The following PTCD3 variants were observed in gnomAD, a reference collection of about 807,000 sequenced individuals.
The protein encoded by PTCD3 is small ribosomal subunit protein mS39.
PTCD3 carries 89 observed loss-of-function variants against 101.9 expected under a neutral mutation model. The ratio of observed to expected loss-of-function variants is 0.87; its 90% CI spans 0.74 to 1.04. The LOEUF is 1.04. PTCD3 is among the 50% of genes least tolerant of loss of function. PTCD3 has a pLI of 0.00. For missense variants in PTCD3, 870 were observed against 828.2 expected, an observed-to-expected ratio of 1.05 and a Z score of -0.62; for synonymous variants, 296 against 278.5, an observed-to-expected ratio of 1.06 and a Z score of -0.63.
intron 17 of PTCD3, 30 bp downstream of exon 17, chr2:86,132,454 A>G (rs1216075715): frequency 1.3e-6 from 2 of 1,481,486 alleles, no homozygotes; most frequent in African/African-American, 1.4e-5. Flanking sequence ...ATCCTTTTGC[A>G]TGAGTTACCA....
chr2:86,132,138 G>A (rs971675755), intron 16 of PTCD3, among the ~76,000 whole-genome samples, 180 bp from the exon 17 acceptor site: 1 of 152,112 alleles, frequency 6.6e-6, no homozygotes, highest in Admixed American at 6.6e-5. Flanking sequence ...AAATAATATT[G>A]TAATAAATTT....
At chr2:86,110,490 C>T (rs1408862181) in intron 3 of PTCD3, among the ~76,000 whole-genome samples, 1 of 152,198 alleles carries the variant, frequency 6.6e-6, no homozygotes, top group African/African-American at 2.4e-5. Flanking sequence ...ATCAAATTAT[C>T]TTGTCTGTCA....
Position 86,140,920 on chromosome 2 carries a change from A to AACC in PTCD3, c.*3362_*3363insCCA, listed in dbSNP as rs1266318602. On this transcript the variant is annotated 3_prime_UTR_variant, in exon 24 of 24. Transcript: ENST00000254630. ...AACCCATCTCAAAAAAAAAAAAAAA[A>AACC]AACCAAAAAAACTGTCCAGCTGTGG... 8.3e-5 allele frequency: 1 copy of AACC among 12,000 alleles called. No homozygotes were observed. Among genetic ancestry groups the AACC allele is most frequent in the African/African-American group, 1.2e-4 (1 of 8,240 alleles). The allele number at this position is 12,000 out of a possible 1,614,324, so 0.7% of individuals were successfully genotyped here.
chr2:86,108,317 A>G, intron 1 of PTCD3, 33 bp from the exon 2 acceptor site: 1 of 1,592,472 alleles, frequency 6.3e-7, no homozygotes, highest in Non-Finnish European at 8.5e-7. Flanking sequence ...TTCATTAATG[A>G]CTATTAGATT....
At position 86,132,336 on chromosome 2, in the gene PTCD3, C is replaced by G. The variant is rs1418744042; in HGVS notation, c.1285C>G (p.Leu429Val). Residue 429 changes from leucine (L) to valine (V), a missense_variant, in exon 17 of 24, where the codon CTA (leucine) becomes GTA (valine). By Grantham distance (32) the Leu-to-Val change is conservative. Coordinates refer to ENST00000254630, the MANE Select transcript of PTCD3 (RefSeq NM_017952.6). Reference protein sequence around the residue: ...AMSICSSLRDLELAYQVHGLL... With the variant: ...AMSICSSLRDVELAYQVHGLL... The stretch of plus-strand genomic sequence containing the variant: ...TTTTCAGTGCTCATCTCTCAGAGAT[C>G]TAGAACTTGCCTACCAAGTACATGG... The G allele has an allele frequency of 1.2e-6, 2 of 1,602,596 alleles. No homozygotes were observed.
intron 13 of PTCD3, 64 bp from the exon 14 acceptor site, chr2:86,127,877 T>C: frequency 7.9e-7 from 1 of 1,264,770 alleles, no homozygotes; most frequent in Non-Finnish European, 1.2e-6. Context: ...CTCAGTAAAC[T>C]ATGTTTTGGA....
Position 86,141,422 on chromosome 2 carries a change from C to G in PTCD3, c.*3863C>G, listed in dbSNP as rs1674682837. On this transcript the variant is annotated 3_prime_UTR_variant, in exon 24 of 24. Coordinates refer to ENST00000254630, the MANE Select transcript of PTCD3 (RefSeq NM_017952.6). The stretch of plus-strand genomic sequence containing the variant: ...TCCCTTCTGTGTTAAATCAAATGAT[C>G]TGTTCTGCACTGAGCCAAGCAAGTT... The G allele has an allele frequency of 2.6e-5, 4 of 152,178 alleles. No homozygotes were observed. In the South Asian group the frequency reaches 8.3e-4, roughly 31 times the overall value. The allele number at this position is 152,178 out of a possible 1,614,324, so 9.4% of individuals were successfully genotyped here. A position where few individuals can be genotyped will look rare whatever the true frequency, so the allele number is the denominator to read the frequency against.
intron 5 of PTCD3, 59 bp downstream of exon 5, chr2:86,116,657 C>A: frequency 1.6e-6 from 2 of 1,273,776 alleles, no homozygotes; most frequent in Non-Finnish European, 2.3e-6. Flanking sequence ...TACAACAGTA[C>A]ATAAATAATT....
chr2:86,133,408 G>T lies in PTCD3; in HGVS notation c.1515G>T (p.Arg505=), dbSNP rs910688628. The T allele has an allele frequency of 3.1e-6, 5 of 1,613,944 alleles. No homozygotes were observed. The highest frequency in any genetic ancestry group is 4.2e-6 in the Non-Finnish European group (5 of 1,179,930). ...TCCAAGCATTGGATGTGGCCAATCG[G>T]CTAGAAGTGATTCCTAAAATTTGGA... ...HLLQALDVAN[R]LEVIPKIWKD... Residue 505 remains arginine (R), a synonymous_variant, in exon 19 of 24, where the codon CGG becomes CGT. Coordinates refer to ENST00000254630, the MANE Select transcript of PTCD3 (RefSeq NM_017952.6).
At chr2:86,133,752 G>A (rs1573858891) in intron 19 of PTCD3, among the ~76,000 whole-genome samples, 1 of 152,300 alleles carries the variant, frequency 6.6e-6, no homozygotes, top group South Asian at 2.1e-4. Flanking sequence ...AAAGGTCTTT[G>A]ACCCGGAAGC....
chr2:86,120,457 G>A (rs1674261208), intron 7 of PTCD3, among the ~76,000 whole-genome samples: 1 of 152,040 alleles, frequency 6.6e-6, no homozygotes, highest in Admixed American at 6.5e-5. Context: ...TAATTATTAG[G>A]TAATTTTTCC....
At chr2:86,107,622 TG>T (rs1053860400) in intron 1 of PTCD3, among the ~76,000 whole-genome samples, 1 of 152,232 alleles carries the variant, frequency 6.6e-6, no homozygotes, top group Admixed American at 6.5e-5. Context: ...TTCTATATTT[TG>T]GTTTAAAAAG....
Position 86,136,544 on chromosome 2 carries a change from A to G in PTCD3, c.1802A>G (p.Lys601Arg). Reference protein sequence around the residue: ...EAWKMLGLFRKHNKIPRSELL... With the variant: ...EAWKMLGLFRRHNKIPRSELL... ...AGGAAAATGTTGGGGCTTTTCAGGA[A>G]GCATAATAAGATTCCTAGGTAAGTT... is the stretch of plus-strand genomic sequence containing the variant. The change falls in exon 22 of 24, where the codon AAG (lysine) becomes AGG (arginine). Residue 601 changes from lysine to arginine, a missense_variant. By Grantham distance (26) the Lys-to-Arg change is conservative. Coordinates refer to ENST00000254630, the MANE Select transcript of PTCD3 (RefSeq NM_017952.6). 7.4e-6 allele frequency: 12 copies of G among 1,612,618 alleles called. No homozygotes were observed. Among genetic ancestry groups the G allele is most frequent in the Non-Finnish European group, 9.3e-6 (11 of 1,178,606 alleles).
Position 86,125,457 on chromosome 2 carries a change from C to A in PTCD3, c.807C>A (p.His269Gln), listed in dbSNP as rs377585965. 1.3e-5 allele frequency: 21 copies of A among 1,612,634 alleles called. No individual in the cohort carries two copies. Among genetic ancestry groups the A allele is most frequent in the Non-Finnish European group, 1.8e-5 (21 of 1,178,746 alleles). The change falls in exon 11 of 24, where the codon CAC becomes CAA. Residue 269 changes from histidine (H) to glutamine (Q), a missense_variant and splice_region_variant. His to Gln is a conservative substitution (Grantham distance 24). Transcript: ENST00000254630. Reference sequence around the variant, plus strand: ...ATGCTTAATTTTTCCTTTTCCAGCACCGAGCTTATGAGCAGGCATTAAACT... The same window carrying A: ...ATGCTTAATTTTTCCTTTTCCAGCAACGAGCTTATGAGCAGGCATTAAACT... ...YCTMIRGMVK[H>Q]RAYEQALNLY...
Position 86,134,467 on chromosome 2 carries a change from G to C in PTCD3, c.1629+90G>C, listed in dbSNP as rs1027003883. ...CTGGTTTTATCTGCCATTTTGGAGA[G>C]TTCTGCTACCCAAACCCATATTTGA... On this transcript the variant is annotated intron_variant, in intron 20 of 23. Transcript: ENST00000254630. The C allele has an allele frequency of 4.7e-6, 5 of 1,070,502 alleles. No individual in the cohort carries two copies. The African/African-American group carries it at 6.3e-5, about 13-fold the overall frequency. 66.3% of individuals were successfully genotyped at this position (1,070,502 alleles called of 1,614,324 possible).
At chr2:86,127,391 A>C in intron 13 of PTCD3, 86 bp downstream of exon 13, 1 of 1,416,128 alleles carries the variant, frequency 7.1e-7, no homozygotes, top group Non-Finnish European at 9.6e-7. Context: ...GCTTTAAATT[A>C]TTCTTGTGCT....
chr2:86,121,635 T>G (rs1201762317), intron 8 of PTCD3, 41 bp downstream of exon 8: 4 of 1,292,366 alleles, frequency 3.1e-6, no homozygotes, highest in Non-Finnish European at 4.4e-6. Context: ...TCCTTAAGCT[T>G]CTTTTTGAAG....
intron 3 of PTCD3, chr2:86,110,911 A>G: frequency 1.3e-6 from 1 of 740,904 alleles, no homozygotes; most frequent in Non-Finnish European, 2.5e-6. Context: ...GAGGACAGGC[A>G]AAGAGAGGAA....
At chr2:86,117,932 G>T (rs1044619733) in intron 6 of PTCD3, among the ~76,000 whole-genome samples, 11 of 151,902 alleles carry the variant, frequency 7.2e-5, no homozygotes, top group Non-Finnish European at 1.5e-5. Flanking sequence ...GCCTGCCACC[G>T]CACCTGGCTA....
Sources: gnomAD v4.1 joint callset for allele counts (sites outside exome capture counted in the v4.1 genomes callset) on GRCh38, gnomAD v4.1.1 for gene constraint, MANE v1.5 for transcripts, NCBI Gene and HGNC (gene_info 2026-07-23, HGNC 2026-07-21) for gene names.